PDLIM1: variants seen among roughly 807,000 people sequenced by gnomAD.
PDLIM1 encodes the protein PDZ and LIM domain protein 1.
Under a neutral mutation model 35.2 loss-of-function variants are expected in PDLIM1, and 25 were observed. The observed-to-expected ratio is 0.71, with a 90% CI of 0.52 to 0.99. PDLIM1 has a LOEUF of 0.99. PDLIM1 is among the 50% of genes least tolerant of loss of function. The pLI, the probability that PDLIM1 is intolerant of heterozygous loss-of-function variation, is 0.00. For synonymous variants in PDLIM1, 152 were observed against 154.0 expected, an observed-to-expected ratio of 0.99 and a Z score of 0.10; for missense variants, 363 against 415.3, an observed-to-expected ratio of 0.87 and a Z score of 1.09.
chr10:95,287,308 T>C (rs2035611488), intron 1 of PDLIM1, among the ~76,000 whole-genome samples: 1 of 152,212 alleles, frequency 6.6e-6, no homozygotes, highest in Admixed American at 6.5e-5. Context: ...TTTCAATCTT[T>C]ACGACATGAT....
chr10:95,279,487 G>C (rs934022167), intron 1 of PDLIM1, among the ~76,000 whole-genome samples: 1 of 152,132 alleles, frequency 6.6e-6, no homozygotes, highest in Non-Finnish European at 1.5e-5. Flanking sequence ...TACTGGGTGA[G>C]GCAATTCAAA....
At chr10:95,261,277 T>C (rs2035360279) in intron 4 of PDLIM1, among the ~76,000 whole-genome samples, 1 of 152,226 alleles carries the variant, frequency 6.6e-6, no homozygotes, top group Non-Finnish European at 1.5e-5. Context: ...ATAGCAGCTC[T>C]TTCAATTAAG....
chr10:95,273,415 C>T (rs547240427), intron 1 of PDLIM1: 4 of 152,312 alleles, frequency 2.6e-5, no homozygotes, highest in South Asian at 2.1e-4. Context: ...CTACAGTTTC[C>T]GATTAGCCCT....
chr10:95,265,517 C>A lies in PDLIM1; in HGVS notation c.334-1454G>T, dbSNP rs1276997989. Among the ~76,000 whole-genome samples, 3 of 149,518 alleles carry A rather than the reference C, an allele frequency of 2.0e-5. No individual in the cohort carries two copies. The East Asian group carries it at 5.9e-4, about 29-fold the overall frequency. On this transcript the variant is annotated intron_variant, in intron 3 of 6. Coordinates refer to ENST00000329399, the MANE Select transcript of PDLIM1 (RefSeq NM_020992.4). ...GGCTGAGGCAGGAGAATCTCTTGAA[C>A]CCAGGAGGCAGAGGTTGCGGTGAGC...
chr10:95,267,706 T>C (rs1282880857), intron 3 of PDLIM1, among the ~76,000 whole-genome samples: 1 of 152,228 alleles, frequency 6.6e-6, no homozygotes, highest in Non-Finnish European at 1.5e-5. Flanking sequence ...CACACACTAA[T>C]ATACCAAGTG....
At position 95,279,265 on chromosome 10, in the gene PDLIM1, GA is replaced by G. The variant is rs45526539; in HGVS notation, c.97-7482del. ...ACCATGCTCTACTGCCCCAGCCACA[GA>G]AACCCAGTACCTGTTACCATTTATG... On this transcript the variant is annotated intron_variant, in intron 1 of 6. Coordinates refer to ENST00000329399, the MANE Select transcript of PDLIM1 (RefSeq NM_020992.4). Among the ~76,000 whole-genome samples the G allele has an allele frequency of 5.1e-3, 769 of 152,230 alleles. 4 individuals are homozygous for G. Among genetic ancestry groups the G allele is most frequent in the African/African-American group, 0.016 (671 of 41,554 alleles).
rs976258614 is a variant in PDLIM1, at chr10:95,290,623, C to T, written c.96+197G>A. Among the ~76,000 whole-genome samples, 11 of 152,080 alleles carry T rather than the reference C, an allele frequency of 7.2e-5. No individual in the cohort carries two copies. Among genetic ancestry groups the T allele is most frequent in the African/African-American group, 2.4e-4 (10 of 41,542 alleles). On this transcript the variant is annotated intron_variant, in intron 1 of 6. Transcript: ENST00000329399. The surrounding 1 kb of genome is among the most constrained non-coding windows in gnomAD (Gnocchi z 4.7). ...AGCGCGCCCGCGGCGGGCCGACCAG[C>T]CCGGGAGCGCAGCCTCCGCGAAGGG...
chr10:95,275,918 G>A (rs367900706), intron 1 of PDLIM1, among the ~76,000 whole-genome samples: 49 of 152,098 alleles, frequency 3.2e-4, no homozygotes, highest in African/African-American at 1.1e-3. Flanking sequence ...AAACTGGTAA[G>A]AAGCCAAAGG....
intron 1 of PDLIM1, among the ~76,000 whole-genome samples, chr10:95,276,896 T>A (rs1279863212): frequency 3.3e-4 from 23 of 68,886 alleles, no homozygotes; most frequent in East Asian, 1.0e-3. Flanking sequence ...TTCAGTTTCC[T>A]AAAAAAAAAA....
At chr10:95,277,610 T>G (rs2035523571) in intron 1 of PDLIM1, among the ~76,000 whole-genome samples, 1 of 151,904 alleles carries the variant, frequency 6.6e-6, no homozygotes, top group South Asian at 2.1e-4. Context: ...ACCACTGCAC[T>G]CCAGCCTGGG....
intron 5 of PDLIM1, 25 bp downstream of exon 5, chr10:95,247,190 T>A: frequency 6.2e-7 from 1 of 1,601,220 alleles, no homozygotes; most frequent in Admixed American, 1.7e-5. Flanking sequence ...AACAAGAGCC[T>A]CTGACTGCAG....
At chr10:95,288,501 CT>C (rs2035621005) in intron 1 of PDLIM1, among the ~76,000 whole-genome samples, 1 of 152,064 alleles carries the variant, frequency 6.6e-6, no homozygotes, top group African/African-American at 2.4e-5. Flanking sequence ...TTACGGAGCA[CT>C]CTCACATACC....
chr10:95,253,058 A>G (rs2133417238), intron 4 of PDLIM1, among the ~76,000 whole-genome samples: 1 of 152,326 alleles, frequency 6.6e-6, no homozygotes, highest in South Asian at 2.1e-4. Context: ...ACCTAAAAAA[A>G]TCCACACCAA....
chr10:95,238,992 A>C, intron 5 of PDLIM1: 1 of 245,802 alleles, frequency 4.1e-6, no homozygotes, highest in Admixed American at 4.8e-5. Context: ...AGTAATCAAA[A>C]CGACATGGTA....
chr10:95,246,330 C>T (rs1014550125), intron 5 of PDLIM1, among the ~76,000 whole-genome samples: 2 of 152,184 alleles, frequency 1.3e-5, no homozygotes, highest in East Asian at 1.9e-4. Context: ...AATTTCTCGA[C>T]GTATAGCATT....
intron 4 of PDLIM1, among the ~76,000 whole-genome samples, chr10:95,260,980 G>T (rs1456483371): frequency 6.6e-6 from 1 of 152,212 alleles, no homozygotes; most frequent in Admixed American, 6.5e-5. Context: ...TTAGGCTGTT[G>T]GTTTTCCCAC....
At position 95,290,761 on chromosome 10, in the gene PDLIM1, G is replaced by T; in HGVS notation, c.96+59C>A. On this transcript the variant is annotated intron_variant, in intron 1 of 6. Transcript: ENST00000329399. This position sits in a 1 kb window ranked among gnomAD's most constrained non-coding sequence, Gnocchi z 4.7. Reference sequence around the variant, plus strand: ...CCCCGACCGCGCCCGCGGGGCCCCAGTCTCCGCATATCACCTCCCATAGCG... The same window carrying T: ...CCCCGACCGCGCCCGCGGGGCCCCATTCTCCGCATATCACCTCCCATAGCG... The T allele has an allele frequency of 8.0e-7, 1 of 1,257,484 alleles. No individual in the cohort carries two copies. The highest frequency in any genetic ancestry group is 1.1e-6 in the Non-Finnish European group (1 of 916,548). The allele number at this position is 1,257,484 out of a possible 1,614,324, so 77.9% of individuals were successfully genotyped here.
chr10:95,264,144 G>A lies in PDLIM1; in HGVS notation c.334-81C>T, dbSNP rs528429342. ...ATGGGCAGTGCAGGCTGAGCGCCAG[G>A]GAGAGGTGTTCCAGCTGCTAAGATG... On this transcript the variant is annotated intron_variant, in intron 3 of 6. Transcript: ENST00000329399. The A allele has an allele frequency of 3.4e-6, 4 of 1,164,642 alleles. No homozygotes were observed. The East Asian group carries it at 9.6e-5, about 28-fold the overall frequency. The allele number at this position is 1,164,642 out of a possible 1,614,324, so 72.1% of individuals were successfully genotyped here. A position where few individuals can be genotyped will look rare whatever the true frequency, so the allele number is the denominator to read the frequency against.
At chr10:95,252,934 T>C (rs904495207) in intron 4 of PDLIM1, among the ~76,000 whole-genome samples, 6 of 152,028 alleles carry the variant, frequency 3.9e-5, no homozygotes, top group Admixed American at 2.6e-4. Context: ...CAATGGAGTC[T>C]TGGAAGAAGA....
Sources: allele counts gnomAD v4.1 joint callset (sites outside exome capture counted in the v4.1 genomes callset), GRCh38; gene constraint gnomAD v4.1.1; non-coding constraint Gnocchi (gnomAD v3.1); transcripts MANE v1.5; gene names NCBI Gene and HGNC (gene_info 2026-07-23, HGNC 2026-07-21).